Variants in CCDC150 observed in about 807,000 individuals in gnomAD.
CCDC150 encodes the protein coiled-coil domain containing 150.
In CCDC150, 151 loss-of-function variants were observed where a neutral mutation model predicts 156.5. The ratio of observed to expected loss-of-function variants is 0.97; its 90% CI spans 0.85 to 1.10. The LOEUF (loss-of-function observed/expected upper bound fraction) is 1.10, where lower values mean the gene tolerates loss of function less well. Ranked by LOEUF, CCDC150 falls within the 50% of genes least tolerant of loss-of-function variation. The pLI, the probability that CCDC150 is intolerant of heterozygous loss-of-function variation, is 0.00. For synonymous variants in CCDC150, 452 were observed against 429.4 expected, an observed-to-expected ratio of 1.05 and a Z score of -0.65; for missense variants, 1,312 against 1,268.1, an observed-to-expected ratio of 1.03 and a Z score of -0.53.
At chr2:196,669,902 G>A (rs771694793) in intron 8 of CCDC150, 26 bp downstream of exon 8, 6 of 1,578,946 alleles carry the variant, frequency 3.8e-6, no homozygotes, top group Non-Finnish European at 5.2e-6. Flanking sequence ...GTGGAGTACA[G>A]AGGTGGTCTT....
At chr2:196,704,662 T>C (rs1436894327) in intron 15 of CCDC150, among the ~76,000 whole-genome samples, 1 of 152,126 alleles carries the variant, frequency 6.6e-6, no homozygotes, top group Non-Finnish European at 1.5e-5. Flanking sequence ...TAACTCATCA[T>C]TTACATTAGG....
chr2:196,641,224 G>C (rs565943508), intron 1 of CCDC150, among the ~76,000 whole-genome samples: 33 of 152,080 alleles, frequency 2.2e-4, no homozygotes, highest in African/African-American at 7.5e-4. Context: ...TGATCTGCCC[G>C]CCTCGGCCTT....
At chr2:196,698,731 G>A (rs143401683) in intron 14 of CCDC150, among the ~76,000 whole-genome samples, 4,251 of 152,246 alleles carry the variant, frequency 0.028, 93 homozygotes, top group South Asian at 0.064. Flanking sequence ...GGGTACATGT[G>A]CACAACGTGC....
At position 196,665,684 on chromosome 2, in the gene CCDC150, G is replaced by A; in HGVS notation, c.762+1G>A. The A allele has an allele frequency of 6.5e-7, 1 of 1,548,532 alleles. No homozygotes were observed. The highest frequency in any genetic ancestry group is 1.4e-5 in the African/African-American group (1 of 73,380). On this transcript the variant is annotated splice_donor_variant, in intron 6 of 27. Coordinates refer to ENST00000389175, the MANE Select transcript of CCDC150 (RefSeq NM_001080539.2). LOFTEE classifies it high-confidence loss of function. ...AACAGTGGAGGTAGAACGAAAACAG[G>A]TAGAAAGATTTCTTCTCCTTATGTG...
rs1698589855 is a variant in CCDC150 at position 196,732,738 on chromosome 2, CT to C, written c.*183del. 15 of 420,240 alleles carry C rather than the reference CT, an allele frequency of 3.6e-5. No individual in the cohort carries two copies. Among genetic ancestry groups the C allele is most frequent in the South Asian group, 1.4e-4 (3 of 21,452 alleles). The allele number at this position is 420,240 out of a possible 1,614,324, so 26.0% of individuals were successfully genotyped here. On this transcript the variant is annotated 3_prime_UTR_variant, in exon 28 of 28. Transcript: ENST00000389175. ...CTCTTATATCAGTACAAAACTACCC[CT>C]TTTTTTGTCCCTTTTCACATTTTCC...
chr2:196,656,531 C>T, intron 2 of CCDC150, 102 bp from the exon 3 acceptor site: 1 of 803,740 alleles, frequency 1.2e-6, no homozygotes, highest in Non-Finnish European at 2.0e-6. Context: ...TGTCACTCTC[C>T]AATTATTATT....
chr2:196,657,076 C>T lies in CCDC150; in HGVS notation c.516C>T (p.Asp172=), dbSNP rs775361379. 4.3e-6 allele frequency: 7 copies of T among 1,613,716 alleles called. No individual in the cohort carries two copies. In the East Asian group the frequency reaches 1.3e-4, roughly 31 times the overall value. ...QQLRAVKEEE[D]KAQDEVQRLT... ...TGAGAGCTGTAAAAGAGGAAGAAGA[C>T]AAGGCACAAGATGAGGTGCAAAGGT... The change falls in exon 4 of 28, where the codon GAC becomes GAT. Residue 172 remains aspartate (D), a synonymous_variant. Transcript: ENST00000389175.
At chr2:196,660,679 ACTT>A (rs1266757585) in intron 5 of CCDC150, among the ~76,000 whole-genome samples, 2 of 152,190 alleles carry the variant, frequency 1.3e-5, no homozygotes, top group African/African-American at 4.8e-5. Context: ...ATGTTTTAAG[ACTT>A]CTTTGTATAT....
chr2:196,651,753 A>G (rs1692888497), intron 2 of CCDC150, among the ~76,000 whole-genome samples: 1 of 152,132 alleles, frequency 6.6e-6, no homozygotes, highest in East Asian at 1.9e-4. Context: ...GTGTTAGTCC[A>G]TTGTGCATTG....
chr2:196,641,952 T>C (rs1692256395), intron 1 of CCDC150, among the ~76,000 whole-genome samples: 1 of 152,210 alleles, frequency 6.6e-6, no homozygotes, highest in Admixed American at 6.5e-5. Context: ...TTTACTAGTA[T>C]ATTACTTGTG....
intron 15 of CCDC150, 131 bp from the exon 16 acceptor site, chr2:196,712,013 TA>T: frequency 2.7e-6 from 1 of 376,844 alleles, no homozygotes; most frequent in Non-Finnish European, 4.7e-6. Flanking sequence ...AGATTCTCTG[TA>T]ATTTTTTTTT....
At chr2:196,694,974 C>A in intron 13 of CCDC150, 72 bp from the exon 14 acceptor site, 2 of 782,182 alleles carry the variant, frequency 2.6e-6, no homozygotes, top group South Asian at 1.8e-5. Flanking sequence ...TTGTAATTGT[C>A]ATTTTAAAAA....
At position 196,702,758 on chromosome 2, in the gene CCDC150, G is replaced by A. The variant is rs141960534; in HGVS notation, c.1695+1578G>A. ...TGAAGCCCAGTTAGGCTTGGCAACC[G>A]TCCTAGTCTGTTTTCTGTTGCTATA... On this transcript the variant is annotated intron_variant, in intron 15 of 27. Coordinates refer to ENST00000389175, the MANE Select transcript of CCDC150 (RefSeq NM_001080539.2). Among the ~76,000 whole-genome samples the A allele has an allele frequency of 2.3e-3, 344 of 151,642 alleles. 1 individual carries two copies. Among genetic ancestry groups the A allele is most frequent in the African/African-American group, 7.7e-3 (318 of 41,298 alleles).
intron 2 of CCDC150, among the ~76,000 whole-genome samples, chr2:196,654,153 C>T (rs922910891): frequency 6.6e-6 from 1 of 152,170 alleles, no homozygotes. Flanking sequence ...CAATGGGTGT[C>T]ACATTTCAAC....
intron 15 of CCDC150, among the ~76,000 whole-genome samples, chr2:196,703,784 C>G (rs1171610482): frequency 1.3e-5 from 2 of 152,184 alleles, no homozygotes; most frequent in Admixed American, 6.5e-5. Flanking sequence ...GATGTTCTGT[C>G]TGACCTTTTA....
At chr2:196,685,757 G>A (rs948361103) in intron 13 of CCDC150, among the ~76,000 whole-genome samples, 5 of 151,780 alleles carry the variant, frequency 3.3e-5, no homozygotes, top group Non-Finnish European at 5.9e-5. Context: ...GACTACAGGC[G>A]CCTACCACCA....
chr2:196,676,269 TA>T lies in CCDC150; in HGVS notation c.1262+4del, dbSNP rs1288059805. 1.2e-6 allele frequency: 2 copies of T among 1,613,094 alleles called. No homozygotes were observed. The highest frequency in any genetic ancestry group is 2.7e-5 in the African/African-American group (2 of 74,896). On this transcript the variant is annotated splice_donor_region_variant and intron_variant, in intron 11 of 27. Transcript: ENST00000389175. ...GAAAACCCAACTCCAGGCACATCTG[TA>T]AGTAAATTATGGGCAACTTCTTATA... is the stretch of plus-strand genomic sequence containing the variant.
chr2:196,708,155 G>T (rs1696813866), intron 15 of CCDC150, among the ~76,000 whole-genome samples: 1 of 152,110 alleles, frequency 6.6e-6, no homozygotes, highest in African/African-American at 2.4e-5. Flanking sequence ...CTCTTTAAAG[G>T]TCTCTAAGAA....
At chr2:196,646,262 A>C in intron 1 of CCDC150, 79 bp from the exon 2 acceptor site, 3 of 1,350,828 alleles carry the variant, frequency 2.2e-6, no homozygotes, top group Non-Finnish European at 2.1e-6. Context: ...GTGATGCCTA[A>C]TCCTGGCACA....
Sources: gnomAD v4.1 joint callset for allele counts (sites outside exome capture counted in the v4.1 genomes callset) on GRCh38, gnomAD v4.1.1 for gene constraint, MANE v1.5 for transcripts, NCBI Gene and HGNC (gene_info 2026-07-23, HGNC 2026-07-21) for gene names.